The following PBX1 variants were observed in gnomAD, a reference collection of about 807,000 sequenced individuals.
PBX1 encodes pre-B-cell leukemia transcription factor 1.
A neutral mutation model predicts 53.4 loss-of-function variants in PBX1; 6 were observed. The observed-to-expected ratio is 0.11, with a 90% CI of 0.06 to 0.22. The LOEUF is 0.22. PBX1 is among the 10% of genes least tolerant of loss of function. PBX1 has a pLI of 1.00. For missense variants in PBX1, 251 were observed against 551.4 expected (o/e 0.46, Z 5.46); for synonymous variants, 204 against 212.3 (o/e 0.96, Z 0.34).
chr1:164,677,014 A>G (rs1020431384), intron 2 of PBX1, among the ~76,000 whole-genome samples: 2 of 151,960 alleles, frequency 1.3e-5, no homozygotes, highest in Non-Finnish European at 2.9e-5. Flanking sequence ...TAAGGTTTCA[A>G]CATGATTCCA....
chr1:164,569,564 A>ATTTTTTT (rs71097535), intron 2 of PBX1, among the ~76,000 whole-genome samples: 2 of 78,186 alleles, frequency 2.6e-5, no homozygotes, highest in Non-Finnish European at 4.6e-5. Flanking sequence ...TTTTCCTTGC[A>ATTTTTTT]TTTTTTTTTT....
intron 2 of PBX1, among the ~76,000 whole-genome samples, chr1:164,633,193 A>T (rs1437772017): frequency 6.7e-6 from 1 of 149,624 alleles, no homozygotes; most frequent in East Asian, 2.0e-4. Context: ...TCTGTTGCCC[A>T]AGCTGGAGTG....
chr1:164,662,330 A>T (rs1300636383), intron 2 of PBX1, among the ~76,000 whole-genome samples: 3 of 152,294 alleles, frequency 2.0e-5, no homozygotes, highest in East Asian at 3.9e-4. Context: ...TGTCTCAAAC[A>T]AACAAACAAA....
At chr1:164,729,935 A>G (rs1292376821) in intron 2 of PBX1, among the ~76,000 whole-genome samples, 1 of 152,252 alleles carries the variant, frequency 6.6e-6, no homozygotes, top group Admixed American at 6.5e-5. Flanking sequence ...AATCTTCCCA[A>G]TAATTTGATG....
intron 2 of PBX1, among the ~76,000 whole-genome samples, chr1:164,605,732 G>A (rs1309741123): frequency 6.6e-6 from 1 of 152,104 alleles, no homozygotes; most frequent in Non-Finnish European, 1.5e-5. Flanking sequence ...TGTACTCAAG[G>A]TTGCTTGCGG....
chr1:164,602,349 T>G (rs1656234839), intron 2 of PBX1, among the ~76,000 whole-genome samples: 1 of 152,264 alleles, frequency 6.6e-6, no homozygotes, highest in Admixed American at 6.5e-5. Flanking sequence ...AGCTTGGTTA[T>G]GCGACATTCT....
intron 2 of PBX1, among the ~76,000 whole-genome samples, chr1:164,735,229 T>C (rs1665202079): frequency 6.6e-6 from 1 of 152,232 alleles, no homozygotes; most frequent in Non-Finnish European, 1.5e-5. Context: ...TAAGAATGTA[T>C]TGACTGCTTA....
chr1:164,651,809 T>G (rs1205759777), intron 2 of PBX1: 1 of 152,506 alleles, frequency 6.6e-6, no homozygotes, highest in Non-Finnish European at 1.5e-5. Flanking sequence ...TACCTTGGCC[T>G]TGGCTGCGGT....
At chr1:164,870,225 C>T (rs1475692746) in intron 2 of PBX1, among the ~76,000 whole-genome samples, 2 of 33,672 alleles carry the variant, frequency 5.9e-5, no homozygotes, top group African/African-American at 1.2e-4. Flanking sequence ...TTCTTTCCTT[C>T]CTTCCTTCCT....
At chr1:164,689,203 TAC>T (rs1325659722) in intron 2 of PBX1, among the ~76,000 whole-genome samples, 2 of 152,264 alleles carry the variant, frequency 1.3e-5, no homozygotes, top group Non-Finnish European at 2.9e-5. Context: ...TCATGAAATA[TAC>T]ATCAAAACAT....
intron 2 of PBX1, among the ~76,000 whole-genome samples, chr1:164,617,575 C>G (rs975062086): frequency 6.6e-6 from 1 of 152,152 alleles, no homozygotes; most frequent in African/African-American, 2.4e-5. Context: ...CAGGGCTTCC[C>G]CGAGGTTTAA....
chr1:164,573,261 A>T (rs933505217), intron 2 of PBX1, among the ~76,000 whole-genome samples: 1 of 152,104 alleles, frequency 6.6e-6, no homozygotes, highest in Admixed American at 6.5e-5. Flanking sequence ...TTGAAATGGT[A>T]ATGTTAAATT....
At chr1:164,846,298 A>G (rs894936188) in intron 8 of PBX1, among the ~76,000 whole-genome samples, 1 of 152,154 alleles carries the variant, frequency 6.6e-6, no homozygotes, top group African/African-American at 2.4e-5. Context: ...GACAGCTGTC[A>G]TTTCACTGCT....
intron 2 of PBX1, among the ~76,000 whole-genome samples, chr1:164,708,383 T>A (rs11587099): frequency 0.07 from 10,602 of 151,878 alleles, 645 homozygotes; most frequent in East Asian, 0.27. Flanking sequence ...AGTCTTTTTT[T>A]AAAAAAAATA....
chr1:164,686,775 G>A (rs917316319), intron 2 of PBX1, among the ~76,000 whole-genome samples: 4 of 152,040 alleles, frequency 2.6e-5, no homozygotes, highest in Middle Eastern at 3.4e-3. Flanking sequence ...TGGCTAACAC[G>A]ATGAAACCCC....
chr1:164,560,488 A>G (rs970214298), intron 1 of PBX1: 6 of 289,068 alleles, frequency 2.1e-5, no homozygotes, highest in Admixed American at 2.1e-4. Context: ...TACCTAATTC[A>G]GCGAGTTTGA....
intron 2 of PBX1, among the ~76,000 whole-genome samples, chr1:164,643,706 C>T (rs1208439013): frequency 6.6e-6 from 1 of 152,176 alleles, no homozygotes; most frequent in East Asian, 1.9e-4. Context: ...ATGAATTAAT[C>T]TAATCAGATT....
chr1:164,739,375 A>G (rs1665474623), intron 2 of PBX1, among the ~76,000 whole-genome samples: 1 of 152,074 alleles, frequency 6.6e-6, no homozygotes, highest in Non-Finnish European at 1.5e-5. Flanking sequence ...TGTGTTACCT[A>G]GCAGGCTGTG....
intron 2 of PBX1, among the ~76,000 whole-genome samples, chr1:164,628,677 T>A (rs1012579045): frequency 1.3e-5 from 2 of 152,188 alleles, no homozygotes; most frequent in African/African-American, 4.8e-5. Flanking sequence ...TTTGCTTGCG[T>A]TGTTTGTGAG....
Sources: gnomAD v4.1 joint callset for allele counts (sites outside exome capture counted in the v4.1 genomes callset) on GRCh38, gnomAD v4.1.1 for gene constraint, MANE v1.5 for transcripts, NCBI Gene and HGNC (gene_info 2026-07-23, HGNC 2026-07-21) for gene names.